NPIPA8: variants seen among roughly 807,000 people sequenced by gnomAD.
NPIPA8 encodes nuclear pore complex interacting protein family member A8, also known as nuclear pore complex-interacting protein family member A8.
NPIPA8 carries 1 observed loss-of-function variant against 7.1 expected under a neutral mutation model. The observed-to-expected ratio is 0.14, with a 90% CI of 0.05 to 0.66. The LOEUF is 0.66. NPIPA8 is among the 30% of genes least tolerant of loss of function. NPIPA8 has a pLI of 0.84.
chr16:18,335,759 C>T (rs1900163997), upstream of NPIPA8, among the ~76,000 whole-genome samples: 2 of 133,090 alleles, frequency 1.5e-5, no homozygotes, highest in Non-Finnish European at 3.2e-5. Context: ...TTAATTCTTC[C>T]TTAACTGCTT....
intron 4 of NPIPA8, among the ~76,000 whole-genome samples, chr16:18,323,847 A>AAAAAAAAAAAAGAG (rs750129798): frequency 1.1e-5 from 1 of 91,596 alleles, no homozygotes; most frequent in African/African-American, 3.8e-5. Context: ...AAAAAAAAAA[A>AAAAAAAAAAAAGAG]AGAGAAAGGA....
intron 2 of NPIPA8, among the ~76,000 whole-genome samples, chr16:18,325,432 TC>T (rs1436824093): frequency 0.011 from 2 of 178 alleles, no homozygotes; most frequent in African/African-American, 0.042. Context: ...AGACTCTGTC[TC>T]AAAAAAAAAA....
chr16:18,324,910 G>A (rs1420001395), intron 2 of NPIPA8, among the ~76,000 whole-genome samples: 2 of 87,934 alleles, frequency 2.3e-5, no homozygotes, highest in Admixed American at 1.1e-4. Flanking sequence ...CGAGGCAGGC[G>A]GATAACCTGA....
chr16:18,335,858 T>C, upstream of NPIPA8, among the ~76,000 whole-genome samples: 1 of 131,032 alleles, frequency 7.6e-6, no homozygotes, highest in South Asian at 2.5e-4. Context: ...TCTTGCTCCA[T>C]TGCCCAGGAT....
chr16:18,335,953 T>C (rs1165996500), upstream of NPIPA8, among the ~76,000 whole-genome samples: 1 of 150,822 alleles, frequency 6.6e-6, no homozygotes, highest in East Asian at 2.0e-4. Context: ...CTCGAGTAGC[T>C]GGGACTACAG....
chr16:18,323,819 G>GAAAAAAAAAAAAAAAA (rs1162097124), intron 4 of NPIPA8, among the ~76,000 whole-genome samples: 1 of 33,174 alleles, frequency 3.0e-5, no homozygotes, highest in Non-Finnish European at 6.7e-5. Context: ...CCCATCTCAG[G>GAAAAAAAAAAAAAAAA]AAAAAAAAAA....
In NPIPA8 at chr16:18,325,174, C is replaced by T. The variant is rs1219918502; in HGVS notation, c.193-676G>A. 1.1e-4 allele frequency among the ~76,000 whole-genome samples: 9 copies of T among 78,482 alleles called. 2 individuals carry two copies. The highest frequency in any genetic ancestry group is 2.3e-4 in the Non-Finnish European group (9 of 38,926). 51.5% of individuals were successfully genotyped at this position (78,482 alleles called of 152,430 possible). ...AAAATAGGCCAGGTGCTGTAGCTCACGCCTGTAATCCCAGCACTTTGGGAG... is the reference window on the plus strand; with the variant it reads ...AAAATAGGCCAGGTGCTGTAGCTCATGCCTGTAATCCCAGCACTTTGGGAG... On this transcript the variant is annotated intron_variant, in intron 2 of 7. Transcript: ENST00000541810.
At chr16:18,335,965 C>T (rs573916962), upstream of NPIPA8, among the ~76,000 whole-genome samples, 32 of 151,206 alleles carry the variant, frequency 2.1e-4, no homozygotes, top group Non-Finnish European at 3.1e-4. Flanking sequence ...GGACTACAGG[C>T]GCCCGCCACC....
chr16:18,335,674 G>T (rs1050792440), upstream of NPIPA8, among the ~76,000 whole-genome samples: 1 of 110,288 alleles, frequency 9.1e-6, no homozygotes. Flanking sequence ...TAAGGGGTGC[G>T]GCCTCCCGTT....
At chr16:18,325,235 G>C (rs1468833540) in intron 2 of NPIPA8, among the ~76,000 whole-genome samples, 5 of 50,416 alleles carry the variant, frequency 9.9e-5, no homozygotes, top group African/African-American at 4.6e-4. Context: ...AAGAGATGGA[G>C]ATCATCCTGG....
chr16:18,335,986 A>G (rs970523784), upstream of NPIPA8, among the ~76,000 whole-genome samples: 1 of 150,980 alleles, frequency 6.6e-6, no homozygotes, highest in African/African-American at 2.5e-5. Context: ...ATGCCCAGCT[A>G]AGTTTTTGTA....
intron 2 of NPIPA8, among the ~76,000 whole-genome samples, chr16:18,324,840 A>ACACAC (rs1274349992): frequency 1.1e-5 from 1 of 87,330 alleles, no homozygotes; most frequent in Non-Finnish European, 2.3e-5. Context: ...ACACACACAC[A>ACACAC]AAGAATGACA....
At chr16:18,336,272 A>C (rs988684863), upstream of NPIPA8, among the ~76,000 whole-genome samples, 8 of 120,086 alleles carry the variant, frequency 6.7e-5, no homozygotes, top group African/African-American at 2.8e-4. Context: ...GAGGTTTCTA[A>C]GGGACTAACT....
chr16:18,324,800 TCACACACACACACACA>T, intron 2 of NPIPA8, among the ~76,000 whole-genome samples: 1 of 58,536 alleles, frequency 1.7e-5, no homozygotes, highest in East Asian at 3.9e-4. Context: ...TGAGACTCTG[TCACACACACACACACA>T]CACACACACA....
At chr16:18,336,231 C>T (rs1267555924), upstream of NPIPA8, among the ~76,000 whole-genome samples, 6 of 124,604 alleles carry the variant, frequency 4.8e-5, no homozygotes, top group Admixed American at 1.6e-4. Context: ...GGATTACAGG[C>T]GTGAGCCACC....
chr16:18,335,769 TAGAAAA>T (rs1223222952), upstream of NPIPA8, among the ~76,000 whole-genome samples: 1 of 134,798 alleles, frequency 7.4e-6, no homozygotes, highest in Non-Finnish European at 1.6e-5. Flanking sequence ...CTTAACTGCT[TAGAAAA>T]ATTCTATCGT....
At chr16:18,335,596 G>A (rs1453661805), upstream of NPIPA8, among the ~76,000 whole-genome samples, 3 of 107,978 alleles carry the variant, frequency 2.8e-5, no homozygotes, top group South Asian at 2.8e-4. Context: ...CGCGGCTTAT[G>A]CGCCTTCTCT....
At chr16:18,336,078 T>A (rs1257293813), upstream of NPIPA8, among the ~76,000 whole-genome samples, 1 of 150,902 alleles carries the variant, frequency 6.6e-6, no homozygotes, top group Non-Finnish European at 1.5e-5. Flanking sequence ...CGCCTCGGCC[T>A]CCCAAAGTGT....
chr16:18,323,819 G>GAAAAAAAAAA (rs1162097124), intron 4 of NPIPA8, among the ~76,000 whole-genome samples: 25 of 33,148 alleles, frequency 7.5e-4, no homozygotes, highest in South Asian at 3.6e-3. Context: ...CCCATCTCAG[G>GAAAAAAAAAA]AAAAAAAAAA....
Sources: allele counts gnomAD v4.1 joint callset (sites outside exome capture counted in the v4.1 genomes callset), GRCh38; gene constraint gnomAD v4.1.1; transcripts MANE v1.5; gene names NCBI Gene and HGNC (gene_info 2026-07-23, HGNC 2026-07-21).